Variants in NRXN3 observed in about 807,000 individuals in gnomAD.
The protein encoded by NRXN3 is neurexin III.
A neutral mutation model predicts 137.6 loss-of-function variants in NRXN3; 32 were observed. That is an observed-to-expected ratio of 0.23 (90% CI 0.18 to 0.31). The LOEUF (loss-of-function observed/expected upper bound fraction) is 0.31, where lower values mean the gene tolerates loss of function less well. Among genes scored for constraint, NRXN3 ranks in the 10% least tolerant of loss-of-function variants. The probability of loss-of-function intolerance (pLI) is 1.00; values close to 1 mark genes in which losing one functional copy is unlikely to be tolerated. For synonymous variants in NRXN3, 798 were observed against 784.5 expected (o/e 1.02, Z -0.29); for missense variants, 1,574 against 2,062.5 (o/e 0.76, Z 4.59).
chr14:78,469,348 C>T (rs1189662620), intron 4 of NRXN3, among the ~76,000 whole-genome samples: 2 of 152,078 alleles, frequency 1.3e-5, no homozygotes, highest in African/African-American at 4.8e-5. Flanking sequence ...GGGATAGGGC[C>T]TTGGCATCTG....
intron 8 of NRXN3, among the ~76,000 whole-genome samples, chr14:78,716,580 G>A (rs1293420407): frequency 6.6e-6 from 1 of 152,160 alleles, no homozygotes; most frequent in African/African-American, 2.4e-5. Context: ...GACCTGCAGG[G>A]TCTCATCTCT....
chr14:78,410,303 T>G (rs2092746535), intron 4 of NRXN3, among the ~76,000 whole-genome samples: 1 of 152,234 alleles, frequency 6.6e-6, no homozygotes, highest in African/African-American at 2.4e-5. Context: ...TTGAGTGACC[T>G]ATGTTATAGC....
At chr14:78,988,521 C>T (rs1168307794) in intron 15 of NRXN3, among the ~76,000 whole-genome samples, 1 of 152,154 alleles carries the variant, frequency 6.6e-6, no homozygotes, top group Non-Finnish European at 1.5e-5. Context: ...TTGAGACTCT[C>T]CCCTTTTGCA....
chr14:79,610,008 T>C (rs1425064632), intron 16 of NRXN3, among the ~76,000 whole-genome samples: 1 of 152,058 alleles, frequency 6.6e-6, no homozygotes, highest in Non-Finnish European at 1.5e-5. Context: ...GATTACGGGT[T>C]GATGGGTGCA....
chr14:78,387,272 A>C (rs2090108589), intron 4 of NRXN3, among the ~76,000 whole-genome samples: 1 of 152,204 alleles, frequency 6.6e-6, no homozygotes, highest in Non-Finnish European at 1.5e-5. Context: ...AAAAAGTACC[A>C]AAGTATTTGA....
intron 16 of NRXN3, among the ~76,000 whole-genome samples, chr14:79,656,694 T>C (rs1008000345): frequency 6.6e-6 from 1 of 151,616 alleles, no homozygotes; most frequent in Non-Finnish European, 1.5e-5. Context: ...CTGCGCCCTC[T>C]GTTAGCATTT....
intron 15 of NRXN3, among the ~76,000 whole-genome samples, chr14:79,250,929 A>G (rs2153373983): frequency 6.6e-6 from 1 of 152,326 alleles, no homozygotes; most frequent in South Asian, 2.1e-4. Flanking sequence ...ATGTCCATCA[A>G]ATAGTAAGTT....
chr14:79,365,223 C>T lies in NRXN3; in HGVS notation c.3263-101998C>T, dbSNP rs543185886. 6.6e-5 allele frequency among the ~76,000 whole-genome samples: 10 copies of T among 152,140 alleles called. No homozygotes were observed. The East Asian group carries it at 1.9e-3, about 29-fold the overall frequency. On this transcript the variant is annotated intron_variant, in intron 15 of 20. Transcript: ENST00000335750. ...GTGATTGATTTCTCGGTTTGCATTTCTTGGCATCTGGCAGTGACACCACTG... is the reference window on the plus strand; with the variant it reads ...GTGATTGATTTCTCGGTTTGCATTTTTTGGCATCTGGCAGTGACACCACTG...
At chr14:78,868,329 C>T (rs1460971817) in intron 10 of NRXN3, among the ~76,000 whole-genome samples, 1 of 152,246 alleles carries the variant, frequency 6.6e-6, no homozygotes, top group East Asian at 1.9e-4. Flanking sequence ...ACCCTCTCTG[C>T]ACTCAAAAGA....
chr14:79,803,366 C>T (rs1325458075), intron 19 of NRXN3, among the ~76,000 whole-genome samples: 5 of 152,078 alleles, frequency 3.3e-5, no homozygotes, highest in East Asian at 1.9e-4. Flanking sequence ...TTTATTTCCT[C>T]GAAATTCTGG....
At chr14:78,399,242 AAAC>A (rs1170773640) in intron 4 of NRXN3, among the ~76,000 whole-genome samples, 2 of 152,192 alleles carry the variant, frequency 1.3e-5, no homozygotes, top group South Asian at 2.1e-4. Flanking sequence ...TATAGTATAA[AAAC>A]AACCATATAC....
intron 16 of NRXN3, among the ~76,000 whole-genome samples, chr14:79,636,414 T>C (rs896876766): frequency 6.6e-6 from 1 of 152,166 alleles, no homozygotes; most frequent in Non-Finnish European, 1.5e-5. Context: ...GTTTTTCTTT[T>C]TTTGTTTTCA....
At chr14:78,456,076 C>T (rs564343775) in intron 4 of NRXN3, among the ~76,000 whole-genome samples, 6 of 152,334 alleles carry the variant, frequency 3.9e-5, no homozygotes, top group Admixed American at 3.9e-4. Flanking sequence ...CTGCCTCTTT[C>T]CAAAGCCTGT....
intron 15 of NRXN3, among the ~76,000 whole-genome samples, chr14:79,388,319 A>C (rs1323469374): frequency 6.6e-6 from 1 of 152,152 alleles, no homozygotes; most frequent in Non-Finnish European, 1.5e-5. Context: ...TAAATTACCC[A>C]GTCTCAGGTA....
chr14:78,964,479 C>G (rs1289329652), intron 11 of NRXN3, among the ~76,000 whole-genome samples: 1 of 152,186 alleles, frequency 6.6e-6, no homozygotes, highest in Non-Finnish European at 1.5e-5. Context: ...GTGTTAGGGG[C>G]TGAGCTAAGC....
intron 4 of NRXN3, among the ~76,000 whole-genome samples, chr14:78,446,794 A>C (rs958633328): frequency 2.6e-5 from 4 of 152,190 alleles, no homozygotes; most frequent in African/African-American, 9.6e-5. Flanking sequence ...GTTGGGGCTC[A>C]GAAGGGGAGG....
chr14:78,668,584 C>T (rs2152705040), intron 6 of NRXN3, among the ~76,000 whole-genome samples: 1 of 152,260 alleles, frequency 6.6e-6, no homozygotes, highest in African/African-American at 2.4e-5. Flanking sequence ...ATTGTTGGTG[C>T]ACTGTAGGCC....
intron 10 of NRXN3, among the ~76,000 whole-genome samples, chr14:78,835,639 A>G (rs2098994542): frequency 6.6e-6 from 1 of 152,092 alleles, no homozygotes; most frequent in African/African-American, 2.4e-5. Flanking sequence ...CTAGTTTATT[A>G]TATACATAGG....
At chr14:79,587,013 G>A (rs1664875681) in intron 16 of NRXN3, among the ~76,000 whole-genome samples, 1 of 152,154 alleles carries the variant, frequency 6.6e-6, no homozygotes, top group African/African-American at 2.4e-5. Context: ...CAATGGCTTT[G>A]ATCCCACTGA....
Sources: allele counts gnomAD v4.1 joint callset (sites outside exome capture counted in the v4.1 genomes callset), GRCh38; gene constraint gnomAD v4.1.1; transcripts MANE v1.5; gene names NCBI Gene and HGNC (gene_info 2026-07-23, HGNC 2026-07-21).